TPCN2: variants seen among roughly 807,000 people sequenced by gnomAD.
The protein encoded by TPCN2 is two pore channel protein 2.
TPCN2 carries 92 observed loss-of-function variants against 111.4 expected under a neutral mutation model. That is an observed-to-expected ratio of 0.83 (90% confidence interval 0.70 to 0.98). TPCN2 has a LOEUF of 0.98. TPCN2 is among the 50% of genes least tolerant of loss of function. The pLI, the probability that TPCN2 is intolerant of heterozygous loss-of-function variation, is 0.00. For missense variants in TPCN2, 995 were observed against 980.1 expected (o/e 1.02, Z -0.20); for synonymous variants, 405 against 414.5 (o/e 0.98, Z 0.28).
intron 9 of TPCN2, 58 bp downstream of exon 9, chr11:69,070,553 G>C: frequency 1.5e-6 from 2 of 1,330,032 alleles, no homozygotes; most frequent in Non-Finnish European, 1.0e-6. Context: ...CTCAGGGACC[G>C]ATACACCCTG....
chr11:69,058,361 C>T (rs1854867192), intron 5 of TPCN2, among the ~76,000 whole-genome samples: 1 of 152,176 alleles, frequency 6.6e-6, no homozygotes, highest in Non-Finnish European at 1.5e-5. Flanking sequence ...CAGTCCCACT[C>T]ATGGGCAGGG....
At position 69,090,554 on chromosome 11, in the gene TPCN2, C is replaced by G. The variant is rs1042105222; in HGVS notation, c.*2601C>G. 1 of 152,216 alleles carries G rather than the reference C, an allele frequency of 6.6e-6. No homozygotes were observed. The highest frequency in any genetic ancestry group is 2.4e-5 in the African/African-American group (1 of 41,444). 9.4% of individuals were successfully genotyped at this position (152,216 alleles called of 1,614,324 possible). On this transcript the variant is annotated 3_prime_UTR_variant, in exon 25 of 25. Transcript: ENST00000294309. ...GCAAAATCTACATGCTGCTGAGGGT[C>G]CTGCCTCATTAAGATGCAATAAATA... is the stretch of plus-strand genomic sequence containing the variant.
At chr11:69,054,857 G>C (rs1274445770) in intron 3 of TPCN2, 60 bp downstream of exon 3, 1 of 1,550,430 alleles carries the variant, frequency 6.4e-7, no homozygotes, top group African/African-American at 1.4e-5. Context: ...AGGGGAGGCT[G>C]GCCCCCACCT....
intron 5 of TPCN2, among the ~76,000 whole-genome samples, chr11:69,058,793 G>C (rs1400782759): frequency 6.6e-6 from 1 of 152,246 alleles, no homozygotes; most frequent in Non-Finnish European, 1.5e-5. Context: ...CCTGCAAAGG[G>C]AGAGCCTCTT....
chr11:69,056,868 A>G (rs530558756), intron 4 of TPCN2, among the ~76,000 whole-genome samples: 1 of 140,884 alleles, frequency 7.1e-6, no homozygotes, highest in East Asian at 2.2e-4. Context: ...GACAGAGTCT[A>G]GCTCTGTCGC....
chr11:69,066,331 C>T (rs1179721677), intron 7 of TPCN2, among the ~76,000 whole-genome samples: 1 of 152,120 alleles, frequency 6.6e-6, no homozygotes, highest in Non-Finnish European at 1.5e-5. Context: ...GGGCTGAGGC[C>T]CAGGAGGGGC....
At chr11:69,062,333 C>T (rs147275214) in intron 5 of TPCN2, among the ~76,000 whole-genome samples, 36 of 152,102 alleles carry the variant, frequency 2.4e-4, no homozygotes, top group Non-Finnish European at 2.8e-4. Flanking sequence ...ACATTCACAC[C>T]GTGTGAGTGT....
At chr11:69,053,369 G>A (rs1021205363) in intron 1 of TPCN2, among the ~76,000 whole-genome samples, 1 of 152,192 alleles carries the variant, frequency 6.6e-6, no homozygotes, top group South Asian at 2.1e-4. Flanking sequence ...GGGACAGTGA[G>A]GGAATGGGAC....
intron 18 of TPCN2, among the ~76,000 whole-genome samples, chr11:69,081,838 T>G (rs1436705727): frequency 6.6e-6 from 1 of 152,134 alleles, no homozygotes; most frequent in African/African-American, 2.4e-5. Flanking sequence ...GCCTTTGCCA[T>G]GGCTCCCAGG....
At chr11:69,079,675 T>C in intron 16 of TPCN2, 159 bp from the exon 17 acceptor site, 1 of 620,030 alleles carries the variant, frequency 1.6e-6, no homozygotes, top group Non-Finnish European at 2.8e-6. Context: ...AGTCCTGACA[T>C]CTGGAACCAA....
intron 13 of TPCN2, 25 bp downstream of exon 13, chr11:69,073,026 G>A: frequency 6.4e-7 from 1 of 1,570,952 alleles, no homozygotes; most frequent in Non-Finnish European, 8.8e-7. Context: ...AGCCGCCCAG[G>A]GTGGATAGTG....
At chr11:69,063,144 G>A (rs1056692437) in intron 6 of TPCN2, among the ~76,000 whole-genome samples, 154 bp downstream of exon 6, 4 of 151,868 alleles carry the variant, frequency 2.6e-5, no homozygotes, top group African/African-American at 9.7e-5. Flanking sequence ...GCTGCTGGGG[G>A]GCTTTTGGGG....
chr11:69,083,030 T>G (rs956239904), intron 18 of TPCN2: 2 of 144,790 alleles, frequency 1.4e-5, no homozygotes, highest in Non-Finnish European at 3.0e-5. Flanking sequence ...CGCATGCAGA[T>G]ATCCTTGTGA....
Position 69,054,749 on chromosome 11 carries a change from C to G in TPCN2, c.203C>G (p.Ala68Gly). Residue 68 changes from alanine to glycine, a missense_variant, in exon 3 of 25, where the codon GCC becomes GGC. Transcript: ENST00000294309. ...QYRSINHRVDASSMWLYRRYY... is the reference protein window; with the variant it reads ...QYRSINHRVDGSSMWLYRRYY... ...CGCTCCATCAACCACCGGGTGGATG[C>G]CAGCTCGATGTGGCTTTACCGACGG... is the stretch of plus-strand genomic sequence containing the variant. The G allele has an allele frequency of 6.2e-7, 1 of 1,614,194 alleles. No homozygotes were observed.
chr11:69,072,281 C>A (rs957571427), intron 11 of TPCN2, among the ~76,000 whole-genome samples: 1 of 152,210 alleles, frequency 6.6e-6, no homozygotes, highest in Non-Finnish European at 1.5e-5. Flanking sequence ...TTCTTGTCCC[C>A]CTTTGTGCTC....
chr11:69,061,648 G>A (rs1855025916), intron 5 of TPCN2, among the ~76,000 whole-genome samples: 1 of 152,176 alleles, frequency 6.6e-6, no homozygotes, highest in East Asian at 1.9e-4. Flanking sequence ...CAGGCAGGAT[G>A]GGAAGGTGCT....
At chr11:69,079,715 T>G in intron 16 of TPCN2, 119 bp from the exon 17 acceptor site, 4 of 910,310 alleles carry the variant, frequency 4.4e-6, no homozygotes. Context: ...AGCTCTGATT[T>G]CTCCCCAAAA....
In TPCN2 at chr11:69,055,274, C is replaced by A; in HGVS notation, c.351C>A (p.Pro117=). 2.5e-6 allele frequency: 4 copies of A among 1,614,104 alleles called. No individual in the cohort carries two copies. Among genetic ancestry groups the A allele is most frequent in the Non-Finnish European group, 3.4e-6 (4 of 1,179,992 alleles). The part of the protein sequence containing the change: ...STADVRYRAA[P]WEPPCGLTES... ...CGGACGTGCGCTACCGCGCTGCTCC[C>A]TGGGAGCCGCCCTGCGGCCTGACCG... The change falls in exon 4 of 25, where the codon CCC becomes CCA. Residue 117 remains proline, a synonymous_variant. Transcript: ENST00000294309.
intron 11 of TPCN2, among the ~76,000 whole-genome samples, chr11:69,072,348 C>G (rs985268185): frequency 6.6e-6 from 1 of 152,072 alleles, no homozygotes; most frequent in Non-Finnish European, 1.5e-5. Flanking sequence ...GGCCAGGTGT[C>G]CACACCACCA....
Sources: gnomAD v4.1 joint callset for allele counts (sites outside exome capture counted in the v4.1 genomes callset) on GRCh38, gnomAD v4.1.1 for gene constraint, MANE v1.5 for transcripts, NCBI Gene and HGNC (gene_info 2026-07-23, HGNC 2026-07-21) for gene names.